ABL2: variants seen among roughly 807,000 people sequenced by gnomAD.
ABL2 encodes tyrosine-protein kinase ABL2.
A neutral mutation model predicts 107.7 loss-of-function variants in ABL2; 49 were observed. That is an observed-to-expected ratio of 0.45 (90% confidence interval 0.36 to 0.58). The LOEUF (loss-of-function observed/expected upper bound fraction) is 0.58, where lower values mean the gene tolerates loss of function less well. Among genes scored for constraint, ABL2 ranks in the 20% least tolerant of loss-of-function variants. The pLI is 0.00. For synonymous variants in ABL2, 549 were observed against 548.6 expected (o/e 1.00, Z -0.01); for missense variants, 1,245 against 1,457.0 (o/e 0.85, Z 2.37).
intron 8 of ABL2, among the ~76,000 whole-genome samples, chr1:179,115,870 A>T (rs1180172179): frequency 6.6e-6 from 1 of 152,250 alleles, no homozygotes; most frequent in Admixed American, 6.5e-5. Context: ...GATTTCCAGT[A>T]AAAAATGACT....
At chr1:179,118,562 T>C (rs920250127) in intron 7 of ABL2, 25 bp downstream of exon 7, 3 of 1,594,620 alleles carry the variant, frequency 1.9e-6, no homozygotes, top group Non-Finnish European at 2.6e-6. Context: ...GGCTTCATGG[T>C]TGGTCAGAGG....
chr1:179,225,737 C>T (rs920114641), intron 1 of ABL2, among the ~76,000 whole-genome samples: 2 of 152,024 alleles, frequency 1.3e-5, no homozygotes, highest in African/African-American at 4.8e-5. Flanking sequence ...ATCAATGCCG[C>T]CGAGGTTAAG....
chr1:179,140,676 A>G lies in ABL2; in HGVS notation c.158-7302T>C, dbSNP rs907378231. 3.9e-5 allele frequency among the ~76,000 whole-genome samples: 6 copies of G among 152,194 alleles called. No individual in the cohort carries two copies. In the East Asian group the frequency reaches 7.7e-4, roughly 20 times the overall value. ...CACAGAGGATGCTATGAGAGGAAAG[A>G]ATATAAAACAAAACTCTAGAGTCTG... On this transcript the variant is annotated intron_variant, in intron 1 of 11. Coordinates refer to ENST00000502732, the MANE Select transcript of ABL2 (RefSeq NM_007314.4).
chr1:179,207,447 C>T (rs1662040305), intron 1 of ABL2, among the ~76,000 whole-genome samples: 1 of 152,052 alleles, frequency 6.6e-6, no homozygotes, highest in African/African-American at 2.4e-5. Context: ...ATTCTCTCAG[C>T]CTTAACATTT....
intron 1 of ABL2, among the ~76,000 whole-genome samples, chr1:179,163,363 C>A (rs1659186072): frequency 6.6e-6 from 1 of 152,184 alleles, no homozygotes; most frequent in Non-Finnish European, 1.5e-5. Flanking sequence ...ACCTGGCAAT[C>A]CCATTCTTGA....
At chr1:179,128,516 A>G (rs1008083833) in intron 3 of ABL2, among the ~76,000 whole-genome samples, 7 of 152,286 alleles carry the variant, frequency 4.6e-5, no homozygotes, top group Admixed American at 4.6e-4. Context: ...ACAGGCTATC[A>G]TAATTAAGAT....
chr1:179,183,615 C>T (rs1374749142), intron 1 of ABL2: 1 of 151,932 alleles, frequency 6.6e-6, no homozygotes, highest in Admixed American at 6.6e-5. Flanking sequence ...ATAATACAAA[C>T]GTAAGTTAAA....
At position 179,161,169 on chromosome 1, in the gene ABL2, G is replaced by C. The variant is rs191084013; in HGVS notation, c.158-27795C>G. 6.6e-5 allele frequency among the ~76,000 whole-genome samples: 10 copies of C among 152,188 alleles called. No individual in the cohort carries two copies. The East Asian group carries it at 1.7e-3, about 26-fold the overall frequency. On this transcript the variant is annotated intron_variant, in intron 1 of 11. Coordinates refer to ENST00000502732, the MANE Select transcript of ABL2 (RefSeq NM_007314.4). The stretch of plus-strand genomic sequence containing the variant: ...TTTCTTTAAAAAAAGCAAAAGACTT[G>C]ATAAGCTACATACCCCTCTCAAGGT...
chr1:179,217,014 G>A (rs1390999921), intron 1 of ABL2, among the ~76,000 whole-genome samples: 2 of 151,940 alleles, frequency 1.3e-5, no homozygotes, highest in African/African-American at 4.8e-5. Flanking sequence ...GATGATTGGA[G>A]GCCAGGCGTG....
chr1:179,143,971 C>T (rs890732470), intron 1 of ABL2, among the ~76,000 whole-genome samples: 1 of 152,062 alleles, frequency 6.6e-6, no homozygotes, highest in Non-Finnish European at 1.5e-5. Context: ...GCTAGGATTA[C>T]AGGCATGAGC....
chr1:179,114,290 T>A (rs1654399921), intron 9 of ABL2, among the ~76,000 whole-genome samples: 1 of 150,844 alleles, frequency 6.6e-6, no homozygotes, highest in South Asian at 2.1e-4. Flanking sequence ...GTGCCTGTGG[T>A]TCCAGCTACT....
chr1:179,136,084 T>TGG (rs560019418), intron 1 of ABL2, among the ~76,000 whole-genome samples: 17 of 116,582 alleles, frequency 1.5e-4, no homozygotes, highest in East Asian at 5.6e-4. Context: ...AGGAGGGAGG[T>TGG]GGGGGGGGTC....
At chr1:179,219,264 A>C (rs1267186727) in intron 1 of ABL2, among the ~76,000 whole-genome samples, 4 of 152,048 alleles carry the variant, frequency 2.6e-5, no homozygotes, top group African/African-American at 9.7e-5. Flanking sequence ...GCTGGTCTTG[A>C]ACTCCTGAGC....
intron 8 of ABL2, among the ~76,000 whole-genome samples, chr1:179,116,102 AG>A (rs1168395247): frequency 6.6e-6 from 1 of 152,088 alleles, no homozygotes; most frequent in East Asian, 1.9e-4. Flanking sequence ...GGCTGAGCAC[AG>A]TGGCTCATGC....
rs1383650120 is a variant in ABL2 at position 179,116,217 on chromosome 1, G to A, written c.1408+1115C>T. Among the ~76,000 whole-genome samples, 5 of 141,842 alleles carry A rather than the reference G, an allele frequency of 3.5e-5. No homozygotes were observed. The South Asian group carries it at 1.2e-3, about 33-fold the overall frequency. The allele number at this position is 141,842 out of a possible 152,430, so 93.1% of individuals were successfully genotyped here. On this transcript the variant is annotated intron_variant, in intron 8 of 11. Coordinates refer to ENST00000502732, the MANE Select transcript of ABL2 (RefSeq NM_007314.4). Reference sequence around the variant, plus strand: ...GGCAAAACCTCATCTCTACTACTATGACAAAAATTAGCCGGGCATGGTGAT... The same window carrying A: ...GGCAAAACCTCATCTCTACTACTATAACAAAAATTAGCCGGGCATGGTGAT...
At chr1:179,110,141 A>C in intron 11 of ABL2, 141 bp downstream of exon 11, 1 of 991,280 alleles carries the variant, frequency 1.0e-6, no homozygotes. Context: ...TGGATAGCCA[A>C]GGGCTTCATG....
At chr1:179,187,392 T>C (rs61821687) in intron 1 of ABL2, among the ~76,000 whole-genome samples, 132 of 152,348 alleles carry the variant, frequency 8.7e-4, no homozygotes, top group Middle Eastern at 3.4e-3. Flanking sequence ...TTGATATACA[T>C]TGGAGAAACC....
chr1:179,224,145 A>AAAC (rs1663053868), intron 1 of ABL2, among the ~76,000 whole-genome samples: 1 of 150,112 alleles, frequency 6.7e-6, no homozygotes, highest in Non-Finnish European at 1.5e-5. Flanking sequence ...AAAAAAAAAA[A>AAAC]AAAAAAAAAA....
chr1:179,210,183 T>C (rs1294231952), intron 1 of ABL2, among the ~76,000 whole-genome samples: 2 of 151,966 alleles, frequency 1.3e-5, no homozygotes, highest in Non-Finnish European at 2.9e-5. Context: ...TAAAAGCAAA[T>C]ACTTTAAATG....
Sources: gnomAD v4.1 joint callset for allele counts (sites outside exome capture counted in the v4.1 genomes callset) on GRCh38, gnomAD v4.1.1 for gene constraint, MANE v1.5 for transcripts, NCBI Gene and HGNC (gene_info 2026-07-23, HGNC 2026-07-21) for gene names.